The following KCNK9 variants were observed in gnomAD, a reference collection of about 807,000 sequenced individuals.
The protein encoded by KCNK9 is potassium two pore domain channel subfamily K member 9.
In KCNK9, 1 loss-of-function variant was observed where a neutral mutation model predicts 10.8. That is an observed-to-expected ratio of 0.09 (90% CI 0.03 to 0.44). The LOEUF is 0.44. KCNK9 is among the 20% of genes least tolerant of loss of function. The probability of loss-of-function intolerance (pLI) is 0.97; values close to 1 mark genes in which losing one functional copy is unlikely to be tolerated. For synonymous variants in KCNK9, 231 were observed against 222.7 expected (o/e 1.04, Z -0.33); for missense variants, 303 against 515.0 (o/e 0.59, Z 3.98).
intron 1 of KCNK9, among the ~76,000 whole-genome samples, chr8:139,684,179 G>A (rs901923626): frequency 1.2e-4 from 18 of 152,242 alleles, no homozygotes; most frequent in Admixed American, 5.2e-4. Flanking sequence ...TTCCAAGTCA[G>A]CCACATTTCA....
At chr8:139,658,715 G>A (rs569303380) in intron 1 of KCNK9, among the ~76,000 whole-genome samples, 8 of 152,348 alleles carry the variant, frequency 5.3e-5, no homozygotes, top group Non-Finnish European at 1.2e-4. Context: ...AGACTCCAGA[G>A]CCCCAGCTTT....
At chr8:139,637,735 GGATA>G (rs1197301488) in intron 1 of KCNK9, among the ~76,000 whole-genome samples, 1 of 110,062 alleles carries the variant, frequency 9.1e-6, no homozygotes, top group Non-Finnish European at 2.0e-5. Context: ...TTTGCTAAAA[GGATA>G]GATCTTAAGT....
chr8:139,608,924 C>T, downstream of KCNK9, among the ~76,000 whole-genome samples: 1 of 152,182 alleles, frequency 6.6e-6, no homozygotes, highest in East Asian at 1.9e-4. Flanking sequence ...GCAGACTCGG[C>T]ACATCTTTTT....
chr8:139,606,252 C>T (rs1817484823), intron 2 of KCNK9, among the ~76,000 whole-genome samples: 1 of 152,178 alleles, frequency 6.6e-6, no homozygotes, highest in African/African-American at 2.4e-5. Context: ...CTACAACTTT[C>T]CTGATTTCCA....
At chr8:139,659,518 G>T (rs1249620223) in intron 1 of KCNK9, among the ~76,000 whole-genome samples, 1 of 151,988 alleles carries the variant, frequency 6.6e-6, no homozygotes, top group African/African-American at 2.4e-5. Context: ...TTTTATTTTT[G>T]TTGTTGTTGT....
At chr8:139,630,409 A>T (rs1815127466) in intron 1 of KCNK9, among the ~76,000 whole-genome samples, 1 of 151,382 alleles carries the variant, frequency 6.6e-6, no homozygotes, top group Non-Finnish European at 1.5e-5. Context: ...CGCCGCCCCC[A>T]CCTCCCCGGG....
intron 1 of KCNK9, among the ~76,000 whole-genome samples, chr8:139,670,846 T>G (rs1021840623): frequency 2.6e-5 from 4 of 152,214 alleles, no homozygotes; most frequent in African/African-American, 9.6e-5. Context: ...AGGTCAAACG[T>G]GGGTGGCCCG....
At chr8:139,623,785 C>T (rs1180039088) in intron 1 of KCNK9, among the ~76,000 whole-genome samples, 8 of 152,148 alleles carry the variant, frequency 5.3e-5, no homozygotes, top group African/African-American at 1.4e-4. Context: ...GTCACTTATC[C>T]CTTTGGCAAT....
chr8:139,695,920 C>G (rs1017131257), intron 1 of KCNK9, among the ~76,000 whole-genome samples: 3 of 152,170 alleles, frequency 2.0e-5, no homozygotes, highest in Admixed American at 6.5e-5. Flanking sequence ...GGGGCCAGCT[C>G]CCTGGGCCAC....
downstream of KCNK9, among the ~76,000 whole-genome samples, chr8:139,609,782 G>A (rs1814362722): frequency 6.6e-6 from 1 of 152,156 alleles, no homozygotes; most frequent in African/African-American, 2.4e-5. Context: ...AGAGGGTGTT[G>A]GGGGAGGTGG....
At chr8:139,648,420 C>T (rs948000426) in intron 1 of KCNK9, among the ~76,000 whole-genome samples, 2 of 152,216 alleles carry the variant, frequency 1.3e-5, no homozygotes, top group East Asian at 1.9e-4. Flanking sequence ...TTTTGTAAAG[C>T]GTATTCTACC....
intron 2 of KCNK9, among the ~76,000 whole-genome samples, chr8:139,602,902 A>G (rs1288921509): frequency 6.6e-6 from 1 of 152,196 alleles, no homozygotes; most frequent in Non-Finnish European, 1.5e-5. Context: ...CATTCTTTAC[A>G]TGGTGGCGTA....
chr8:139,690,347 G>A (rs1433238744), intron 1 of KCNK9, among the ~76,000 whole-genome samples: 1 of 152,176 alleles, frequency 6.6e-6, no homozygotes, highest in African/African-American at 2.4e-5. Flanking sequence ...GATAGTGACT[G>A]TAAAAAAACA....
intron 1 of KCNK9, among the ~76,000 whole-genome samples, chr8:139,644,848 G>GCCAAGAGCCCTGCCTCCC (rs1256795691): frequency 1.1e-4 from 16 of 151,998 alleles, no homozygotes; most frequent in Non-Finnish European, 1.8e-4. Flanking sequence ...GCGCACCTCT[G>GCCAAGAGCCCTGCCTCCC]CCAAGAGCCC....
chr8:139,671,317 C>T (rs978161038), intron 1 of KCNK9, among the ~76,000 whole-genome samples: 2 of 152,172 alleles, frequency 1.3e-5, no homozygotes, highest in African/African-American at 4.8e-5. Context: ...CCTTCTGGAA[C>T]TCTTGGGCCA....
intron 2 of KCNK9, among the ~76,000 whole-genome samples, chr8:139,603,101 C>T (rs1817408257): frequency 6.6e-6 from 1 of 152,156 alleles, no homozygotes; most frequent in Admixed American, 6.6e-5. Flanking sequence ...GAAAATCTAA[C>T]CACATGATGG....
At chr8:139,663,216 G>A (rs143355596) in intron 1 of KCNK9, among the ~76,000 whole-genome samples, 10 of 152,072 alleles carry the variant, frequency 6.6e-5, no homozygotes, top group African/African-American at 1.2e-4. Flanking sequence ...GCACACACAC[G>A]TGCACACACA....
At chr8:139,687,585 CAT>C (rs1168983133) in intron 1 of KCNK9, among the ~76,000 whole-genome samples, 52 of 67,300 alleles carry the variant, frequency 7.7e-4, no homozygotes, top group African/African-American at 2.4e-3. Context: ...TATATGTATA[CAT>C]ATATATTCAT....
intron 1 of KCNK9, among the ~76,000 whole-genome samples, chr8:139,650,800 A>G (rs1377552899): frequency 2.6e-5 from 4 of 152,100 alleles, no homozygotes; most frequent in African/African-American, 9.7e-5. Context: ...GTGGGAGGGA[A>G]GCAGCAGCCC....
Sources: gnomAD v4.1 joint callset for allele counts (sites outside exome capture counted in the v4.1 genomes callset) on GRCh38, gnomAD v4.1.1 for gene constraint, MANE v1.5 for transcripts, NCBI Gene and HGNC (gene_info 2026-07-23, HGNC 2026-07-21) for gene names.